Variants in PCTP observed in about 807,000 individuals in gnomAD.
PCTP encodes the protein START domain-containing protein 2.
Under a neutral mutation model 31.0 loss-of-function variants are expected in PCTP, and 27 were observed. The observed-to-expected ratio is 0.87, with a 90% CI of 0.64 to 1.20. The LOEUF (loss-of-function observed/expected upper bound fraction) is 1.20, where lower values mean the gene tolerates loss of function less well. Among genes scored for constraint, PCTP ranks in the 50% most tolerant of loss-of-function variants. The probability of loss-of-function intolerance (pLI) is 0.00; values close to 1 mark genes in which losing one functional copy is unlikely to be tolerated. For missense variants in PCTP, 287 were observed against 268.2 expected (o/e 1.07, Z -0.49); for synonymous variants, 108 against 101.2 (o/e 1.07, Z -0.40).
At chr17:55,801,130 A>G (rs975893634) in intron 3 of PCTP, among the ~76,000 whole-genome samples, 2 of 152,168 alleles carry the variant, frequency 1.3e-5, no homozygotes, top group East Asian at 3.9e-4. Context: ...GCATTACATA[A>G]TGGTAAAAGG....
chr17:55,763,004 A>G (rs979941240), intron 1 of PCTP, among the ~76,000 whole-genome samples: 1 of 152,238 alleles, frequency 6.6e-6, no homozygotes, highest in African/African-American at 2.4e-5. Flanking sequence ...CTGGAGCATT[A>G]GAAAAGTATC....
chr17:55,779,175 A>G (rs1194620373), downstream of PCTP, among the ~76,000 whole-genome samples: 1 of 152,236 alleles, frequency 6.6e-6, no homozygotes, highest in Admixed American at 6.5e-5. Flanking sequence ...GCTGGAGTCC[A>G]TCAGCATTGG....
intron 3 of PCTP, among the ~76,000 whole-genome samples, chr17:55,796,595 G>A (rs1912195542): frequency 6.6e-6 from 1 of 151,982 alleles, no homozygotes; most frequent in African/African-American, 2.4e-5. Flanking sequence ...CATTGGGAAG[G>A]TCTAGATGAG....
rs143346829 is a variant in PCTP at position 55,762,726 on chromosome 17, C to T, written c.142-4609C>T. Among the ~76,000 whole-genome samples the T allele has an allele frequency of 2.1e-3, 322 of 152,238 alleles. 1 individual carries two copies. The highest frequency in any genetic ancestry group is 7.5e-3 in the African/African-American group (310 of 41,548). ...TTTCTCATGTTGATTGCCTCTTGGT[C>T]ATAGGATAGTTGCAGCAGTTCCAAC... is the stretch of plus-strand genomic sequence containing the variant. On this transcript the variant is annotated intron_variant, in intron 1 of 5. Coordinates refer to ENST00000268896, the MANE Select transcript of PCTP (RefSeq NM_021213.4).
chr17:55,811,384 A>G (rs1598011731), intron 3 of PCTP, among the ~76,000 whole-genome samples: 2 of 152,302 alleles, frequency 1.3e-5, no homozygotes, highest in South Asian at 4.1e-4. Context: ...CTGACAACCA[A>G]CTATGCAGTA....
Position 55,776,591 on chromosome 17 carries a change from A to C in PCTP, c.*491A>C. On this transcript the variant is annotated 3_prime_UTR_variant, in exon 6 of 6. Coordinates refer to ENST00000268896, the MANE Select transcript of PCTP (RefSeq NM_021213.4). ...GGAAGTGGCATTTCGTTCAGAGCTG[A>C]CTTTCAGTGCACCCAAACTGGATGA... 8.1e-7 allele frequency: 1 copy of C among 1,231,272 alleles called. No individual in the cohort carries two copies. The allele number at this position is 1,231,272 out of a possible 1,614,324, so 76.3% of individuals were successfully genotyped here. A position where few individuals can be genotyped will look rare whatever the true frequency, so the allele number is the denominator to read the frequency against.
chr17:55,832,345 CCTT>C (rs1460087865), intron 5 of PCTP, among the ~76,000 whole-genome samples: 27 of 152,150 alleles, frequency 1.8e-4, no homozygotes, highest in African/African-American at 5.8e-4. Context: ...CCAGATACAT[CCTT>C]CTTCTAAAAT....
At chr17:55,821,426 TC>T (rs776697118) in intron 3 of PCTP, among the ~76,000 whole-genome samples, 6 of 152,188 alleles carry the variant, frequency 3.9e-5, no homozygotes, top group Non-Finnish European at 7.3e-5. Flanking sequence ...GATAAAATGT[TC>T]TAAAATTTAT....
In PCTP at chr17:55,776,491, A is replaced by C; in HGVS notation, c.*391A>C. 8.1e-7 allele frequency: 1 copy of C among 1,232,020 alleles called. No homozygotes were observed. The highest frequency in any genetic ancestry group is 1.0e-6 in the Non-Finnish European group (1 of 988,190). The allele number at this position is 1,232,020 out of a possible 1,614,324, so 76.3% of individuals were successfully genotyped here. On this transcript the variant is annotated 3_prime_UTR_variant, in exon 6 of 6. Coordinates refer to ENST00000268896, the MANE Select transcript of PCTP (RefSeq NM_021213.4). ...GATGGGTGGGCGGAGGGACACAACA[A>C]AATTTAAGAATGACTATTTGGGCGG... is the stretch of plus-strand genomic sequence containing the variant.
intron 3 of PCTP, among the ~76,000 whole-genome samples, chr17:55,798,577 A>G (rs1912262823): frequency 6.6e-6 from 1 of 151,982 alleles, no homozygotes; most frequent in Admixed American, 6.6e-5. Flanking sequence ...ATTGAATGAC[A>G]TTTTCAAAAT....
chr17:55,848,554 T>G, the PCTP span, among the ~76,000 whole-genome samples: 1 of 152,190 alleles, frequency 6.6e-6, no homozygotes, highest in Non-Finnish European at 1.5e-5. Flanking sequence ...CTTGAATAAT[T>G]ATTCTTTCTA....
intron 5 of PCTP, among the ~76,000 whole-genome samples, chr17:55,833,137 A>G (rs892155082): frequency 2.6e-5 from 4 of 152,182 alleles, no homozygotes; most frequent in African/African-American, 9.7e-5. Flanking sequence ...TGCAGGAGCA[A>G]TATTTGAGCA....
rs574849508 is a variant in PCTP at position 55,790,377 on chromosome 17, A to G, written c.317+2723A>G. Among the ~76,000 whole-genome samples the G allele has an allele frequency of 5.0e-3, 766 of 152,060 alleles. 7 individuals are homozygous for G. The highest frequency in any genetic ancestry group is 0.017 in the African/African-American group (707 of 41,370). On this transcript the variant is annotated intron_variant, in intron 3 of 3. Transcript: ENST00000572536. ...AGAAGTCAAATTGTCCCTGTTTGCA[A>G]ACGACATGATTGTATATCTAGAAAA...
intron 1 of PCTP, 138 bp downstream of exon 1, chr17:55,751,382 C>T (rs1909701408): frequency 1.3e-6 from 2 of 1,532,110 alleles, no homozygotes; most frequent in Non-Finnish European, 1.7e-6. Flanking sequence ...CGCCCGGACC[C>T]TGTCTCAAGC....
At chr17:55,770,895 C>CTT (rs5821104) in intron 2 of PCTP, 5,658 of 306,822 alleles carry the variant, frequency 0.018, 1 homozygote, top group South Asian at 0.029. Context: ...GATTTTTTTG[C>CTT]TTTTTTTTTT....
chr17:55,822,920 G>GATACCTGCACCCATTTCA, exon 4 of PCTP: 3 of 763,540 alleles, frequency 3.9e-6, no homozygotes, highest in Non-Finnish European at 5.3e-6. Flanking sequence ...ACACTGAAAT[G>GATACCTGCACCCATTTCA]GGTGCAGGTA....
At chr17:55,838,128 A>G (rs1377827500) in intron 5 of PCTP, among the ~76,000 whole-genome samples, 1 of 151,818 alleles carries the variant, frequency 6.6e-6, no homozygotes, top group Non-Finnish European at 1.5e-5. Flanking sequence ...GTGACAGAAC[A>G]AGACCCTGTC....
chr17:55,784,938 A>G (rs1911696282), intron 2 of PCTP, among the ~76,000 whole-genome samples: 1 of 152,160 alleles, frequency 6.6e-6, no homozygotes, highest in South Asian at 2.1e-4. Context: ...ACTGTCCCCA[A>G]CATCTGGAAT....
In PCTP at chr17:55,768,085, CAA is replaced by C. The variant is rs11424440; in HGVS notation, c.259+646_259+647del. Among the ~76,000 whole-genome samples the C allele has an allele frequency of 1.1e-4, 16 of 140,188 alleles. 1 individual carries two copies. Among genetic ancestry groups the C allele is most frequent in the Admixed American group, 1.4e-4 (2 of 14,322 alleles). The allele number at this position is 140,188 out of a possible 152,430, so 92.0% of individuals were successfully genotyped here. ...GGGACAACAGAGGGAGACCCTGTCT[CAA>C]AAAAAAAAAAAAGTCTAATCTATTT... On this transcript the variant is annotated intron_variant, in intron 2 of 5. Transcript: ENST00000268896.
Sources: gnomAD v4.1 joint callset for allele counts (sites outside exome capture counted in the v4.1 genomes callset) on GRCh38, gnomAD v4.1.1 for gene constraint, MANE v1.5 for transcripts, NCBI Gene and HGNC (gene_info 2026-07-23, HGNC 2026-07-21) for gene names.